ADGRG2: variants seen among roughly 807,000 people sequenced by gnomAD.
ADGRG2 encodes adhesion G protein-coupled receptor G2, also known as G protein-coupled receptor 64.
A neutral mutation model predicts 74.1 loss-of-function variants in ADGRG2; 26 were observed. That is an observed-to-expected ratio of 0.35 (90% CI 0.26 to 0.49). The LOEUF (loss-of-function observed/expected upper bound fraction) is 0.49, where lower values mean the gene tolerates loss of function less well. Among genes scored for constraint, ADGRG2 ranks in the 20% least tolerant of loss-of-function variants. The pLI, the probability that ADGRG2 is intolerant of heterozygous loss-of-function variation, is 0.99. For missense variants in ADGRG2, 619 were observed against 763.1 expected, an observed-to-expected ratio of 0.81 and a Z score of 2.22; for synonymous variants, 296 against 295.2, an observed-to-expected ratio of 1.00 and a Z score of -0.03.
At chrX:19,002,785 T>C (rs1404424055) in intron 24 of ADGRG2, 61 bp downstream of exon 24, 7 of 1,097,651 alleles carry the variant, frequency 6.4e-6, no homozygotes, top group South Asian at 2.0e-5. Flanking sequence ...TGCTCAAAAA[T>C]CAAAACACTA....
At chrX:19,016,071 G>A (rs1010929560) in intron 15 of ADGRG2, among the ~76,000 whole-genome samples, 3 of 111,753 alleles carry the variant, frequency 2.7e-5, no homozygotes, top group Admixed American at 9.5e-5. Context: ...AGAGTACCTC[G>A]GCACCGATGC....
At chrX:19,050,212 G>C (rs141145028) in intron 3 of ADGRG2, among the ~76,000 whole-genome samples, 284 of 111,470 alleles carry the variant, frequency 2.5e-3, no homozygotes, top group African/African-American at 9.0e-3. Flanking sequence ...AGAGACCTCT[G>C]AGAAGCATAG....
chrX:19,073,245 A>G (rs763057934), intron 2 of ADGRG2, among the ~76,000 whole-genome samples: 1 of 112,666 alleles, frequency 8.9e-6, no homozygotes, highest in Admixed American at 9.4e-5. Context: ...TTCTGGTGCA[A>G]TCTGGGTTAG....
intron 2 of ADGRG2, among the ~76,000 whole-genome samples, chrX:19,069,855 T>G (rs1161385299): frequency 8.9e-6 from 1 of 112,529 alleles, no homozygotes; most frequent in Non-Finnish European, 1.9e-5. Flanking sequence ...ACAACTTCAT[T>G]ACTCCTGGAT....
At chrX:19,080,217 G>A (rs1479359969) in intron 2 of ADGRG2, among the ~76,000 whole-genome samples, 1 of 110,616 alleles carries the variant, frequency 9.0e-6, no homozygotes, top group African/African-American at 3.3e-5. Context: ...GCTGAGGGGT[G>A]TTCTGTTTTT....
At chrX:19,116,371 C>G (rs973934392) in intron 1 of ADGRG2, among the ~76,000 whole-genome samples, 1 of 108,912 alleles carries the variant, frequency 9.2e-6, no homozygotes, top group Non-Finnish European at 1.9e-5. Context: ...ATTAGCCAGG[C>G]ATGGAGGTGT....
chrX:19,059,526 A>G (rs1201837687), intron 3 of ADGRG2, among the ~76,000 whole-genome samples: 1 of 111,295 alleles, frequency 9.0e-6, no homozygotes, highest in Non-Finnish European at 1.9e-5. Flanking sequence ...GCAAAGACCT[A>G]CAGGAGTGTC....
chrX:19,112,130 G>A (rs2062423410), intron 1 of ADGRG2, among the ~76,000 whole-genome samples: 2 of 110,320 alleles, frequency 1.8e-5, no homozygotes, highest in African/African-American at 6.6e-5. Context: ...GGAGTGCAGT[G>A]GTCCGATAAT....
chrX:19,025,080 G>A (rs1353024669), intron 11 of ADGRG2, among the ~76,000 whole-genome samples: 3 of 111,870 alleles, frequency 2.7e-5, no homozygotes, highest in African/African-American at 9.7e-5. Flanking sequence ...CCACCTACAG[G>A]TCACCTTCTT....
At chrX:19,037,865 G>T (rs1384940449) in intron 4 of ADGRG2, among the ~76,000 whole-genome samples, 3 of 111,808 alleles carry the variant, frequency 2.7e-5, no homozygotes, top group African/African-American at 9.8e-5. Flanking sequence ...TGATTGCAAA[G>T]CTTGCTAACT....
intron 1 of ADGRG2, among the ~76,000 whole-genome samples, chrX:19,107,857 T>C (rs2062336460): frequency 1.8e-5 from 2 of 108,916 alleles, no homozygotes; most frequent in Admixed American, 9.9e-5. Flanking sequence ...TCCCAGCACT[T>C]TGGGAGGCTG....
intron 24 of ADGRG2, among the ~76,000 whole-genome samples, chrX:19,000,828 G>A (rs181783131): frequency 1.0e-4 from 10 of 98,067 alleles, no homozygotes; most frequent in Non-Finnish European, 1.8e-4. Context: ...TCCGCCTCCC[G>A]GGTTCAAGCG....
intron 2 of ADGRG2, among the ~76,000 whole-genome samples, chrX:19,074,773 G>A (rs1404636464): frequency 9.3e-6 from 1 of 107,331 alleles, no homozygotes; most frequent in Non-Finnish European, 1.9e-5. Flanking sequence ...GTTTCACCAT[G>A]TTGGCCAGGC....
intron 10 of ADGRG2, among the ~76,000 whole-genome samples, chrX:19,027,749 T>C (rs1366867415): frequency 8.9e-6 from 1 of 112,459 alleles, no homozygotes; most frequent in Non-Finnish European, 1.9e-5. Context: ...ATCGAATGAA[T>C]GAACCACATT....
chrX:19,038,741 C>G (rs2146736986), intron 4 of ADGRG2, among the ~76,000 whole-genome samples: 1 of 112,027 alleles, frequency 8.9e-6, no homozygotes, highest in South Asian at 3.7e-4. Flanking sequence ...CTGCTCTCCC[C>G]CAGGGCACCC....
chrX:19,071,860 A>C (rs968533915), intron 2 of ADGRG2, among the ~76,000 whole-genome samples: 23 of 111,490 alleles, frequency 2.1e-4, no homozygotes, highest in Admixed American at 2.0e-3. Flanking sequence ...TTATTGAGTG[A>C]ACTTCAGTGC....
intron 14 of ADGRG2, among the ~76,000 whole-genome samples, chrX:19,020,568 T>A (rs1321059507): frequency 9.0e-6 from 1 of 111,530 alleles, no homozygotes; most frequent in African/African-American, 3.3e-5. Context: ...TGTATACCTA[T>A]GTAACAAACC....
chrX:19,068,488 T>C (rs1474967816), intron 3 of ADGRG2, among the ~76,000 whole-genome samples: 1 of 111,508 alleles, frequency 9.0e-6, no homozygotes, highest in African/African-American at 3.3e-5. Flanking sequence ...TATTGTTTAA[T>C]GGATATAGAG....
chrX:19,107,646 T>G (rs1460259952), intron 1 of ADGRG2, among the ~76,000 whole-genome samples: 11 of 107,323 alleles, frequency 1.0e-4, no homozygotes, highest in African/African-American at 2.4e-4. Flanking sequence ...TGTTTTTTTT[T>G]TTTTTTTCAT....
Sources: allele counts gnomAD v4.1 joint callset (sites outside exome capture counted in the v4.1 genomes callset), GRCh38; gene constraint gnomAD v4.1.1; transcripts MANE v1.5; gene names NCBI Gene and HGNC (gene_info 2026-07-23, HGNC 2026-07-21).